The following OR3A2 variants were observed in gnomAD, a reference collection of about 807,000 sequenced individuals.
The protein encoded by OR3A2 is olfactory receptor family 3 subfamily A member 2, also known as olfactory receptor 3A2.
For missense variants in OR3A2, 318 were observed against 392.8 expected (o/e 0.81, Z 1.61); for synonymous variants, 126 against 159.3 (o/e 0.79, Z 1.57).
chr17:3,325,675 G>C (rs903974729), intron 3 of OR3A2, among the ~76,000 whole-genome samples: 2 of 151,852 alleles, frequency 1.3e-5, no homozygotes, highest in Admixed American at 6.6e-5. Context: ...TTCTGATCAA[G>C]CCTCTTTTTA....
intron 3 of OR3A2, among the ~76,000 whole-genome samples, chr17:3,326,129 T>G (rs1372320998): frequency 6.6e-6 from 1 of 152,170 alleles, no homozygotes; most frequent in Non-Finnish European, 1.5e-5. Context: ...CTCATTCATT[T>G]CTATGGCTGC....
chr17:3,322,136 C>G (rs1445895426), intron 3 of OR3A2, among the ~76,000 whole-genome samples: 16 of 152,104 alleles, frequency 1.1e-4, no homozygotes, highest in Non-Finnish European at 2.1e-4. Context: ...TCCATTTCTT[C>G]TAGATTTTCT....
At chr17:3,354,929 C>G (rs1369246957) in intron 2 of OR3A2, among the ~76,000 whole-genome samples, 2 of 151,092 alleles carry the variant, frequency 1.3e-5, no homozygotes, top group South Asian at 4.2e-4. Flanking sequence ...TGCTTTTGCT[C>G]TATCCCATAG....
At chr17:3,339,169 T>C (rs2049295072) in intron 2 of OR3A2, among the ~76,000 whole-genome samples, 1 of 152,226 alleles carries the variant, frequency 6.6e-6, no homozygotes, top group African/African-American at 2.4e-5. Context: ...GATTTTGGGC[T>C]GAGATGAAGG....
chr17:3,318,782 T>C (rs2519715), intron 3 of OR3A2, among the ~76,000 whole-genome samples: 3,047 of 152,258 alleles, frequency 0.02, 110 homozygotes, highest in African/African-American at 0.068. Flanking sequence ...ATGTGTATAT[T>C]TTCAACACTT....
chr17:3,279,774 C>T (rs946851286), intron 1 of OR3A2, among the ~76,000 whole-genome samples: 1 of 151,884 alleles, frequency 6.6e-6, no homozygotes, highest in African/African-American at 2.4e-5. Context: ...GGTGACAGAG[C>T]GAGGCTCCAT....
chr17:3,330,917 A>G (rs2049226736), intron 3 of OR3A2, among the ~76,000 whole-genome samples: 2 of 151,786 alleles, frequency 1.3e-5, no homozygotes, highest in African/African-American at 4.8e-5. Flanking sequence ...GGTGGTGACA[A>G]AATCTCTCAG....
chr17:3,308,251 G>A (rs2049012505), intron 3 of OR3A2, among the ~76,000 whole-genome samples: 1 of 152,194 alleles, frequency 6.6e-6, no homozygotes, highest in African/African-American at 2.4e-5. Flanking sequence ...ATGAGGAGGA[G>A]AAAAATCCCA....
chr17:3,346,357 T>A (rs2049363868), intron 2 of OR3A2, among the ~76,000 whole-genome samples: 1 of 152,134 alleles, frequency 6.6e-6, no homozygotes, highest in South Asian at 2.1e-4. Flanking sequence ...GGGAAGGGCA[T>A]CTGACCCAAG....
In OR3A2 at chr17:3,311,514, G is replaced by A. The variant is rs1056413475; in HGVS notation, c.-85+24519C>T. On this transcript the variant is annotated intron_variant, in intron 3 of 4. Transcript: ENST00000573491. This position sits in a 1 kb window ranked among gnomAD's most constrained non-coding sequence, Gnocchi z 4.6. ...CGCTTGACTTCTGTGGCCCTAATGTGGTCAACCACTTCTACTGTGACCTCC... is the reference window on the plus strand; with the variant it reads ...CGCTTGACTTCTGTGGCCCTAATGTAGTCAACCACTTCTACTGTGACCTCC... 4.7e-6 allele frequency: 2 copies of A among 429,812 alleles called. No individual in the cohort carries two copies. The highest frequency in any genetic ancestry group is 4.1e-5 in the African/African-American group (2 of 48,512). The allele number at this position is 429,812 out of a possible 1,614,324, so 26.6% of individuals were successfully genotyped here. A position where few individuals can be genotyped will look rare whatever the true frequency, so the allele number is the denominator to read the frequency against.
intron 3 of OR3A2, among the ~76,000 whole-genome samples, chr17:3,314,872 T>G (rs560867030): frequency 6.6e-6 from 1 of 152,262 alleles, no homozygotes; most frequent in East Asian, 1.9e-4. Context: ...GTTCACAGTG[T>G]CTCTTGTTCT....
chr17:3,379,789 G>A (rs2049717569), intron 2 of OR3A2, among the ~76,000 whole-genome samples: 1 of 152,182 alleles, frequency 6.6e-6, no homozygotes, highest in South Asian at 2.1e-4. Flanking sequence ...ATGCCATCCT[G>A]CATAGAAGGG....
chr17:3,297,271 T>C (rs920288100), intron 3 of OR3A2, among the ~76,000 whole-genome samples: 1 of 152,222 alleles, frequency 6.6e-6, no homozygotes, highest in Admixed American at 6.5e-5. Context: ...CTATAAATAC[T>C]CTGTGAATTG....
At chr17:3,297,215 T>C (rs916714976) in intron 3 of OR3A2, among the ~76,000 whole-genome samples, 24 of 152,196 alleles carry the variant, frequency 1.6e-4, no homozygotes, top group Non-Finnish European at 2.6e-4. Context: ...CAACAATTCC[T>C]GTTGTATCAC....
At chr17:3,342,461 T>G (rs1019947197) in intron 2 of OR3A2, among the ~76,000 whole-genome samples, 15 of 152,224 alleles carry the variant, frequency 9.9e-5, no homozygotes, top group African/African-American at 3.1e-4. Context: ...GGTGTGGATG[T>G]CCTTTTTGTT....
In OR3A2 at chr17:3,279,156, G is replaced by A; in HGVS notation, c.-6-233C>T. Reference sequence around the variant, plus strand: ...GCTAGCTGAAAAGGTCAGAATACCTGGAACAACATGAGAACTATAGTTAAT... The same window carrying A: ...GCTAGCTGAAAAGGTCAGAATACCTAGAACAACATGAGAACTATAGTTAAT... On this transcript the variant is annotated intron_variant, in intron 1 of 1. Transcript: ENST00000642052. The A allele has an allele frequency of 6.1e-6, 4 of 652,700 alleles. 1 individual carries two copies. In the South Asian group the frequency reaches 8.7e-5, roughly 14 times the overall value. 40.4% of individuals were successfully genotyped at this position (652,700 alleles called of 1,614,324 possible). A position where few individuals can be genotyped will look rare whatever the true frequency, so the allele number is the denominator to read the frequency against.
intron 3 of OR3A2, among the ~76,000 whole-genome samples, chr17:3,303,902 A>AATAGAT (rs1555525717): frequency 1.4e-5 from 2 of 141,440 alleles, no homozygotes; most frequent in Non-Finnish European, 3.0e-5. Flanking sequence ...AAAATAAATA[A>AATAGAT]ATAGATATAG....
In OR3A2 at chr17:3,381,321, T is replaced by G. The variant is rs1206245471; in HGVS notation, c.-179+2483A>C. Among the ~76,000 whole-genome samples the G allele has an allele frequency of 2.7e-5, 4 of 147,494 alleles. No homozygotes were observed. The East Asian group carries it at 5.8e-4, about 22-fold the overall frequency. On this transcript the variant is annotated intron_variant, in intron 2 of 4. Coordinates refer to the OR3A2 transcript ENST00000573491. ...AGTGAGCTGCCTCAAACATAGGGTTTTTTTTTTTTTTTTAAATTCTAGATC... is the reference window on the plus strand; with the variant it reads ...AGTGAGCTGCCTCAAACATAGGGTTGTTTTTTTTTTTTTAAATTCTAGATC...
chr17:3,339,061 C>A (rs1165449590), intron 2 of OR3A2, among the ~76,000 whole-genome samples: 1 of 152,044 alleles, frequency 6.6e-6, no homozygotes, highest in Non-Finnish European at 1.5e-5. Flanking sequence ...TGATTTGGCT[C>A]TCTGTTTGTC....
Sources: gnomAD v4.1 joint callset for allele counts (sites outside exome capture counted in the v4.1 genomes callset) on GRCh38, gnomAD v4.1.1 for gene constraint, Gnocchi (gnomAD v3.1) non-coding constraint, MANE v1.5 for transcripts, NCBI Gene and HGNC (gene_info 2026-07-23, HGNC 2026-07-21) for gene names.